The following B3GALT1 variants were observed in gnomAD, a reference collection of about 807,000 sequenced individuals.
B3GALT1 encodes UDP-Gal:betaGlcNAc beta 1,3-galactosyltransferase, polypeptide 1.
In B3GALT1, 10 loss-of-function variants were observed where a neutral mutation model predicts 23.2. That is an observed-to-expected ratio of 0.43 (90% confidence interval 0.27 to 0.73). B3GALT1 has a LOEUF of 0.73. Among genes scored for constraint, B3GALT1 ranks in the 30% least tolerant of loss-of-function variants. B3GALT1 has a pLI of 0.21. For synonymous variants in B3GALT1, 156 were observed against 141.5 expected (o/e 1.10, Z -0.73); for missense variants, 299 against 405.4 (o/e 0.74, Z 2.25).
intron 1 of B3GALT1, among the ~76,000 whole-genome samples, chr2:167,447,106 T>C (rs1699011545): frequency 6.6e-6 from 1 of 152,240 alleles, no homozygotes; most frequent in South Asian, 2.1e-4. Context: ...TACAGGTCTG[T>C]TGGAGTTTGC....
intron 1 of B3GALT1, among the ~76,000 whole-genome samples, chr2:167,406,492 C>T (rs948648402): frequency 2.0e-5 from 3 of 152,136 alleles, no homozygotes; most frequent in African/African-American, 7.2e-5. Context: ...GCCCCTCCCC[C>T]AAATTCTTCC....
intron 3 of B3GALT1, among the ~76,000 whole-genome samples, chr2:167,722,022 A>G (rs1310268645): frequency 1.3e-5 from 2 of 152,234 alleles, no homozygotes; most frequent in African/African-American, 4.8e-5. Flanking sequence ...TCAAATTATC[A>G]CCCTTGGCTG....
rs117317201 is a variant in B3GALT1, at chr2:167,495,056, A to G, written c.-410+4779A>G. ...AAAAAGATAAGGTAAAATGTTGTCA[A>G]ATTCTAAACTGTTTAATGTTTGTAA... On this transcript the variant is annotated intron_variant, in intron 2 of 4. Transcript: ENST00000392690. Among the ~76,000 whole-genome samples the G allele has an allele frequency of 2.9e-3, 444 of 152,306 alleles. 16 individuals are homozygous for G. The East Asian group carries it at 0.067, about 23-fold the overall frequency.
At chr2:167,691,129 A>G (rs960992927) in intron 3 of B3GALT1, among the ~76,000 whole-genome samples, 7 of 152,166 alleles carry the variant, frequency 4.6e-5, no homozygotes, top group African/African-American at 1.4e-4. Context: ...TTTTTAAGCA[A>G]TTACAGCTAA....
intron 2 of B3GALT1, among the ~76,000 whole-genome samples, chr2:167,491,218 C>G (rs1388012452): frequency 6.6e-6 from 1 of 152,166 alleles, no homozygotes; most frequent in Non-Finnish European, 1.5e-5. Context: ...GGTTCTGCAC[C>G]TGACTCAAAG....
chr2:167,623,183 TAACTC>T (rs147367052), intron 2 of B3GALT1, among the ~76,000 whole-genome samples: 2,350 of 152,214 alleles, frequency 0.015, 83 homozygotes, highest in African/African-American at 0.054. Context: ...AGTTGCAAAT[TAACTC>T]AACCATTGTG....
chr2:167,368,931 T>C (rs1334730800), intron 1 of B3GALT1, among the ~76,000 whole-genome samples: 1 of 151,986 alleles, frequency 6.6e-6, no homozygotes, highest in African/African-American at 2.4e-5. Flanking sequence ...GTAGATGGGA[T>C]GTAATAATAG....
At chr2:167,715,031 T>C (rs1162508954) in intron 3 of B3GALT1, 17 of 1,611,608 alleles carry the variant, frequency 1.1e-5, no homozygotes, top group Non-Finnish European at 1.4e-5. Flanking sequence ...TTCCTTTGTT[T>C]TGTCCACTTC....
intron 3 of B3GALT1, among the ~76,000 whole-genome samples, chr2:167,796,951 T>G (rs982718631): frequency 6.6e-6 from 1 of 152,218 alleles, no homozygotes; most frequent in Non-Finnish European, 1.5e-5. Flanking sequence ...TTTTCTTTTC[T>G]TTTTAAATCG....
At chr2:167,411,179 C>T (rs1698385181) in intron 1 of B3GALT1, among the ~76,000 whole-genome samples, 1 of 151,146 alleles carries the variant, frequency 6.6e-6, no homozygotes, top group Non-Finnish European at 1.5e-5. Flanking sequence ...GGAACCAGAG[C>T]AAAAATAGAC....
chr2:167,603,840 A>G (rs2105426150), intron 2 of B3GALT1, among the ~76,000 whole-genome samples: 1 of 152,052 alleles, frequency 6.6e-6, no homozygotes, highest in Admixed American at 6.6e-5. Context: ...ACACATAGCT[A>G]AGGAGTGAGA....
chr2:167,404,565 T>A (rs1444513252), intron 1 of B3GALT1, among the ~76,000 whole-genome samples: 1 of 152,194 alleles, frequency 6.6e-6, no homozygotes, highest in Non-Finnish European at 1.5e-5. Flanking sequence ...CTTGACTAAT[T>A]ATTTTGAAAC....
At chr2:167,657,617 A>G (rs1685977690) in intron 3 of B3GALT1, among the ~76,000 whole-genome samples, 1 of 152,102 alleles carries the variant, frequency 6.6e-6, no homozygotes. Flanking sequence ...TTATTCACTT[A>G]CCAAGACTTT....
intron 2 of B3GALT1, among the ~76,000 whole-genome samples, chr2:167,587,967 T>C (rs1684609520): frequency 6.6e-6 from 1 of 152,232 alleles, no homozygotes. Flanking sequence ...TGCCATGTTA[T>C]ATCACACAGG....
At chr2:167,756,052 G>A (rs532462989) in intron 3 of B3GALT1, among the ~76,000 whole-genome samples, 6 of 152,184 alleles carry the variant, frequency 3.9e-5, no homozygotes, top group African/African-American at 4.8e-5. Context: ...AGGCAGTGTA[G>A]CATAATGTTA....
chr2:167,723,580 AAGTGC>A (rs1687265681), intron 3 of B3GALT1, among the ~76,000 whole-genome samples: 2 of 152,022 alleles, frequency 1.3e-5, no homozygotes, highest in East Asian at 3.9e-4. Context: ...CCCCAGGCTA[AAGTGC>A]AGTGGTGTGA....
At chr2:167,484,875 ATTTCAGGGTAAAATAATTTC>A (rs1336598415) in intron 1 of B3GALT1, among the ~76,000 whole-genome samples, 2 of 152,206 alleles carry the variant, frequency 1.3e-5, no homozygotes, top group Non-Finnish European at 2.9e-5. Context: ...CAAGAAATAT[ATTTCAGGGTAAAATAATTTC>A]TTTCAGGGCC....
intron 3 of B3GALT1, among the ~76,000 whole-genome samples, chr2:167,752,324 C>A (rs1005135724): frequency 6.6e-6 from 1 of 151,960 alleles, no homozygotes; most frequent in African/African-American, 2.4e-5. Flanking sequence ...AACATTGTTA[C>A]AATTTATGAC....
At chr2:167,765,677 A>C (rs1687966267) in intron 3 of B3GALT1, among the ~76,000 whole-genome samples, 1 of 152,230 alleles carries the variant, frequency 6.6e-6, no homozygotes, top group Admixed American at 6.5e-5. Context: ...TTTTCATGAC[A>C]AAAGGATACC....
Sources: allele counts gnomAD v4.1 joint callset (sites outside exome capture counted in the v4.1 genomes callset), GRCh38; gene constraint gnomAD v4.1.1; transcripts MANE v1.5; gene names NCBI Gene and HGNC (gene_info 2026-07-23, HGNC 2026-07-21).